The following ZNF670 variants were observed in gnomAD, a reference collection of about 807,000 sequenced individuals.
ZNF670 encodes the protein zinc finger protein 670.
In ZNF670, 7 loss-of-function variants were observed where a neutral mutation model predicts 10.9. The ratio of observed to expected loss-of-function variants is 0.64; its 90% CI spans 0.36 to 1.20. The LOEUF (loss-of-function observed/expected upper bound fraction) is 1.20. Among genes scored for constraint, ZNF670 ranks in the 50% most tolerant of loss-of-function variants. The pLI, the probability that ZNF670 is intolerant of heterozygous loss-of-function variation, is 0.02. For synonymous variants in ZNF670, 136 were observed against 152.7 expected, an observed-to-expected ratio of 0.89 and a Z score of 0.81; for missense variants, 446 against 458.6, an observed-to-expected ratio of 0.97 and a Z score of 0.25.
chr1:247,053,649 C>A (rs935532428), intron 1 of ZNF670, among the ~76,000 whole-genome samples: 2 of 151,362 alleles, frequency 1.3e-5, no homozygotes, highest in Non-Finnish European at 2.9e-5. Flanking sequence ...AAACAAAAAA[C>A]AAACAAACAA....
intron 1 of ZNF670, among the ~76,000 whole-genome samples, chr1:247,066,945 ACT>A (rs1670994053): frequency 6.6e-6 from 1 of 152,068 alleles, no homozygotes; most frequent in Non-Finnish European, 1.5e-5. Flanking sequence ...GGAAGCCCCC[ACT>A]CTGACTTGTC....
At chr1:247,072,590 G>C (rs1671144176) in intron 1 of ZNF670, among the ~76,000 whole-genome samples, 1 of 151,302 alleles carries the variant, frequency 6.6e-6, no homozygotes, top group Admixed American at 6.6e-5. Context: ...TTCGAGACCA[G>C]CCTGGCCAAC....
At chr1:247,051,719 A>C (rs1185333023) in intron 1 of ZNF670, among the ~76,000 whole-genome samples, 2 of 151,622 alleles carry the variant, frequency 1.3e-5, no homozygotes, top group Non-Finnish European at 2.9e-5. Flanking sequence ...CCAAAATTTT[A>C]GTTTACTCTT....
intron 1 of ZNF670, among the ~76,000 whole-genome samples, chr1:247,077,255 A>G (rs954560509): frequency 1.5e-4 from 23 of 152,194 alleles, no homozygotes; most frequent in Admixed American, 7.2e-4. Flanking sequence ...ACTCCAGGGC[A>G]CCCAGATGCT....
intron 1 of ZNF670, among the ~76,000 whole-genome samples, chr1:247,056,474 T>C (rs1009167144): frequency 3.3e-5 from 5 of 152,046 alleles, no homozygotes; most frequent in Admixed American, 6.6e-5. Context: ...TAAAAACAAA[T>C]GATAATGGAA....
chr1:247,053,967 A>G (rs1198321578), intron 1 of ZNF670, among the ~76,000 whole-genome samples: 1 of 152,202 alleles, frequency 6.6e-6, no homozygotes, highest in Non-Finnish European at 1.5e-5. Flanking sequence ...AATTGCCAAC[A>G]CCACCCTTCC....
At chr1:247,061,183 ATTT>A (rs778969843) in intron 1 of ZNF670, among the ~76,000 whole-genome samples, 3 of 144,134 alleles carry the variant, frequency 2.1e-5, no homozygotes, top group Non-Finnish European at 3.0e-5. Context: ...TTAAAAGTAA[ATTT>A]TTTTTTTTTT....
intron 1 of ZNF670, among the ~76,000 whole-genome samples, chr1:247,072,829 T>TAG (rs1216671631): frequency 1.1e-5 from 1 of 94,080 alleles, no homozygotes; most frequent in Non-Finnish European, 1.9e-5. Context: ...TATATATATA[T>TAG]ATATATATAT....
Position 247,035,484 on chromosome 1 carries a change from G to A in ZNF670, c.*1965C>T, listed in dbSNP as rs1670128024. 6.6e-6 allele frequency among the ~76,000 whole-genome samples: 1 copy of A among 152,126 alleles called. No individual in the cohort carries two copies. The highest frequency in any genetic ancestry group is 2.1e-4 in the South Asian group (1 of 4,830). ...GTTTGTTTAAATGCATCTGTGGAATGGTAGGCAACTGAAATATGTTAGGCT... is the reference window on the plus strand; with the variant it reads ...GTTTGTTTAAATGCATCTGTGGAATAGTAGGCAACTGAAATATGTTAGGCT... On this transcript the variant is annotated 3_prime_UTR_variant, in exon 4 of 4. Coordinates refer to ENST00000366503, the MANE Select transcript of ZNF670 (RefSeq NM_033213.5).
intron 1 of ZNF670, among the ~76,000 whole-genome samples, chr1:247,054,321 AGC>A (rs1670667773): frequency 6.6e-6 from 1 of 152,270 alleles, no homozygotes; most frequent in African/African-American, 2.4e-5. Flanking sequence ...CTGAGATGCC[AGC>A]TGGCATGGCT....
intron 1 of ZNF670, among the ~76,000 whole-genome samples, chr1:247,056,087 A>G (rs772774160): frequency 1.4e-4 from 21 of 150,130 alleles, no homozygotes; most frequent in Non-Finnish European, 2.4e-4. Flanking sequence ...TCAACACCCT[A>G]CTTTTAGCAT....
chr1:247,036,022 G>T lies in ZNF670; in HGVS notation c.*1427C>A, dbSNP rs1319654223. On this transcript the variant is annotated 3_prime_UTR_variant, in exon 4 of 4. Transcript: ENST00000366503. The stretch of plus-strand genomic sequence containing the variant: ...GTATTGGAATCTGGGGTTTACAGAT[G>T]TTCAACCTGTAGATAAAATACTTAT... 6.6e-6 allele frequency among the ~76,000 whole-genome samples: 1 copy of T among 152,142 alleles called. No homozygotes were observed. Among genetic ancestry groups the T allele is most frequent in the African/African-American group, 2.4e-5 (1 of 41,434 alleles).
At chr1:247,073,632 T>G (rs1487219680) in intron 1 of ZNF670, among the ~76,000 whole-genome samples, 1 of 152,228 alleles carries the variant, frequency 6.6e-6, no homozygotes, top group African/African-American at 2.4e-5. Flanking sequence ...GTCCTTTTTC[T>G]GATACCAAAT....
In ZNF670 at chr1:247,072,829, T is replaced by TACACAC. The variant is rs1216671631; in HGVS notation, c.3+5764_3+5765insGTGTGT. Among the ~76,000 whole-genome samples the TACACAC allele has an allele frequency of 1.6e-3, 147 of 93,910 alleles. 1 individual carries two copies. Among genetic ancestry groups the TACACAC allele is most frequent in the Middle Eastern group, 0.013 (3 of 232 alleles). 61.6% of individuals were successfully genotyped at this position (93,910 alleles called of 152,430 possible). On this transcript the variant is annotated intron_variant, in intron 1 of 3. Transcript: ENST00000366503. ...GTATATATATATATATATATATATA[T>TACACAC]ATATATATATGCATACACACACATA...
At chr1:247,059,202 G>A (rs1670794292) in intron 1 of ZNF670, among the ~76,000 whole-genome samples, 1 of 152,116 alleles carries the variant, frequency 6.6e-6, no homozygotes, top group Non-Finnish European at 1.5e-5. Context: ...AGCACTTTGG[G>A]AGGCCGAGGC....
chr1:247,072,163 T>C (rs1671133168), intron 1 of ZNF670, among the ~76,000 whole-genome samples: 1 of 151,660 alleles, frequency 6.6e-6, no homozygotes, highest in Non-Finnish European at 1.5e-5. Flanking sequence ...AGCCACTTTT[T>C]TTTTTTAAAC....
At chr1:247,074,662 G>C (rs1231237478) in intron 1 of ZNF670, among the ~76,000 whole-genome samples, 1 of 152,048 alleles carries the variant, frequency 6.6e-6, no homozygotes, top group Non-Finnish European at 1.5e-5. Flanking sequence ...CAGATCATCA[G>C]GCATTAGATT....
At chr1:247,074,594 T>C (rs1417313593) in intron 1 of ZNF670, among the ~76,000 whole-genome samples, 9 of 152,176 alleles carry the variant, frequency 5.9e-5, no homozygotes, top group South Asian at 2.1e-4. Context: ...ATCAGTTTCA[T>C]AGAACACAGA....
intron 1 of ZNF670, among the ~76,000 whole-genome samples, chr1:247,046,794 G>A (rs761152249): frequency 7.9e-5 from 12 of 152,160 alleles, no homozygotes; most frequent in East Asian, 1.9e-4. Context: ...GCCTGGAAAC[G>A]TTGCAAGCAT....
Sources: allele counts gnomAD v4.1 joint callset (sites outside exome capture counted in the v4.1 genomes callset), GRCh38; gene constraint gnomAD v4.1.1; transcripts MANE v1.5; gene names NCBI Gene and HGNC (gene_info 2026-07-23, HGNC 2026-07-21).